MECOM: variants seen among roughly 807,000 people sequenced by gnomAD.
MECOM encodes the protein MDS1 and EVI1 complex locus.
MECOM carries 13 observed loss-of-function variants against 116.3 expected under a neutral mutation model. The ratio of observed to expected loss-of-function variants is 0.11; its 90% CI spans 0.07 to 0.18. The LOEUF is 0.18. Ranked by LOEUF, MECOM falls within the 10% of genes least tolerant of loss-of-function variation. The probability of loss-of-function intolerance (pLI) is 1.00; values close to 1 mark genes in which losing one functional copy is unlikely to be tolerated. For missense variants in MECOM, 1,299 were observed against 1,509.0 expected, an observed-to-expected ratio of 0.86 and a Z score of 2.31; for synonymous variants, 528 against 535.2, an observed-to-expected ratio of 0.99 and a Z score of 0.19.
At chr3:169,305,424 A>T (rs929669088) in intron 2 of MECOM, among the ~76,000 whole-genome samples, 11 of 152,336 alleles carry the variant, frequency 7.2e-5, no homozygotes, top group Admixed American at 5.2e-4. Context: ...CTGGAAAAAA[A>T]ATCCCAACAC....
At chr3:169,531,430 A>G (rs1211128752) in intron 1 of MECOM, among the ~76,000 whole-genome samples, 1 of 152,194 alleles carries the variant, frequency 6.6e-6, no homozygotes, top group East Asian at 1.9e-4. Flanking sequence ...GATACTCTGG[A>G]GTTTCAAGAT....
chr3:169,415,645 G>A (rs1050851247), intron 1 of MECOM, among the ~76,000 whole-genome samples: 11 of 152,004 alleles, frequency 7.2e-5, no homozygotes, highest in African/African-American at 2.4e-5. Context: ...CATCTCATAT[G>A]CAAAGACACA....
chr3:169,130,061 T>TATGG (rs1734151416), intron 4 of MECOM, among the ~76,000 whole-genome samples: 1 of 146,294 alleles, frequency 6.8e-6, no homozygotes, highest in Non-Finnish European at 1.5e-5. Flanking sequence ...GTAGTGTATG[T>TATGG]ATGGATGTAA....
At chr3:169,279,487 G>A (rs1376631977) in intron 2 of MECOM, among the ~76,000 whole-genome samples, 3 of 152,286 alleles carry the variant, frequency 2.0e-5, no homozygotes, top group East Asian at 1.9e-4. Context: ...GGTAGTAGTA[G>A]AACAGAAAGG....
intron 2 of MECOM, among the ~76,000 whole-genome samples, chr3:169,266,420 C>A (rs1324648672): frequency 6.6e-6 from 1 of 152,176 alleles, no homozygotes; most frequent in East Asian, 1.9e-4. Context: ...ATTAAACGTA[C>A]AGGGCAAAAT....
At chr3:169,367,360 G>C (rs201906874) in intron 2 of MECOM, among the ~76,000 whole-genome samples, 1 of 105,280 alleles carries the variant, frequency 9.5e-6, no homozygotes, top group Non-Finnish European at 2.0e-5. Context: ...TTTTTTTTTT[G>C]TGGGGGTAGG....
At chr3:169,133,905 G>A in intron 3 of MECOM, 1 of 1,287,672 alleles carries the variant, frequency 7.8e-7, no homozygotes. Flanking sequence ...TCAACAGTTT[G>A]AATCACCTCT....
At chr3:169,588,908 T>A (rs528516494) in intron 1 of MECOM, among the ~76,000 whole-genome samples, 2 of 152,098 alleles carry the variant, frequency 1.3e-5, no homozygotes, top group African/African-American at 4.8e-5. Context: ...ATGTACTACA[T>A]CTCCTACGGA....
At chr3:169,607,664 G>A (rs1009095421) in intron 1 of MECOM, among the ~76,000 whole-genome samples, 2 of 152,322 alleles carry the variant, frequency 1.3e-5, no homozygotes, top group Admixed American at 1.3e-4. Flanking sequence ...GTTTGGTAAA[G>A]TTGGTGTGAT....
chr3:169,446,154 T>C (rs2108638741), intron 1 of MECOM, among the ~76,000 whole-genome samples: 1 of 152,258 alleles, frequency 6.6e-6, no homozygotes, highest in Non-Finnish European at 1.5e-5. Context: ...TTTTGAAATG[T>C]GAGGACATGA....
chr3:169,584,058 T>C (rs886200916), intron 1 of MECOM, among the ~76,000 whole-genome samples: 5 of 152,344 alleles, frequency 3.3e-5, no homozygotes, highest in Non-Finnish European at 5.9e-5. Flanking sequence ...ATTTACTCTA[T>C]GAATTCCTGC....
rs192195439 is a variant in MECOM at position 169,091,137 on chromosome 3, C to A, written c.3165-901G>T. ...CTTTTGCACAGACATAAATTAGTTTCCAAACACACTGCCAACTTGCTTGCA... is the reference window on the plus strand; with the variant it reads ...CTTTTGCACAGACATAAATTAGTTTACAAACACACTGCCAACTTGCTTGCA... On this transcript the variant is annotated intron_variant, in intron 14 of 16. Coordinates refer to ENST00000651503, the MANE Select transcript of MECOM (RefSeq NM_004991.4). Among the ~76,000 whole-genome samples the A allele has an allele frequency of 3.9e-5, 6 of 151,976 alleles. No homozygotes were observed. In the East Asian group the frequency reaches 1.2e-3, roughly 29 times the overall value.
intron 1 of MECOM, among the ~76,000 whole-genome samples, chr3:169,659,386 GT>G (rs1338695677): frequency 1.4e-5 from 2 of 147,576 alleles, no homozygotes; most frequent in African/African-American, 5.0e-5. Context: ...CCCTTCCACA[GT>G]GCTGGAGATG....
rs1357727134 is a variant in MECOM, at chr3:169,115,373, A to T, written c.2489+10T>A. 3 of 1,610,312 alleles carry T rather than the reference A, an allele frequency of 1.9e-6. No individual in the cohort carries two copies. Among genetic ancestry groups the T allele is most frequent in the Non-Finnish European group, 2.5e-6 (3 of 1,178,066 alleles). On this transcript the variant is annotated intron_variant, in intron 8 of 16. Transcript: ENST00000651503. ...CTGCTCATATTTCGTCATCTTCCAT[A>T]CACGCTTACCTGTAAATAGGGTCCA...
chr3:169,283,345 A>G (rs1712549172), intron 2 of MECOM, among the ~76,000 whole-genome samples: 1 of 152,082 alleles, frequency 6.6e-6, no homozygotes, highest in Admixed American at 6.5e-5. Flanking sequence ...TCTGCAAAAA[A>G]TTTAAAAATT....
chr3:169,617,290 G>C (rs1770132981), intron 1 of MECOM, among the ~76,000 whole-genome samples: 1 of 152,084 alleles, frequency 6.6e-6, no homozygotes, highest in African/African-American at 2.4e-5. Context: ...TAAATCATTT[G>C]CATAATGAAT....
chr3:169,090,753 T>G (rs1719454509), intron 14 of MECOM, among the ~76,000 whole-genome samples: 1 of 151,874 alleles, frequency 6.6e-6, no homozygotes, highest in Non-Finnish European at 1.5e-5. Flanking sequence ...AGATGACATT[T>G]GTGGTACATT....
At chr3:169,648,941 A>G (rs1404844834) in intron 1 of MECOM, among the ~76,000 whole-genome samples, 1 of 152,226 alleles carries the variant, frequency 6.6e-6, no homozygotes, top group African/African-American at 2.4e-5. Flanking sequence ...GAGATCCTTT[A>G]AAGAGAACTT....
chr3:169,271,195 C>G (rs572074586), intron 2 of MECOM, among the ~76,000 whole-genome samples: 1 of 152,302 alleles, frequency 6.6e-6, no homozygotes, highest in South Asian at 2.1e-4. Flanking sequence ...ACCTGCCCTT[C>G]TTGGGAACCA....
Sources: allele counts gnomAD v4.1 joint callset (sites outside exome capture counted in the v4.1 genomes callset), GRCh38; gene constraint gnomAD v4.1.1; transcripts MANE v1.5; gene names NCBI Gene and HGNC (gene_info 2026-07-23, HGNC 2026-07-21).